DLG2: variants seen among roughly 807,000 people sequenced by gnomAD.
The protein encoded by DLG2 is disks large homolog 2.
A neutral mutation model predicts 132.5 loss-of-function variants in DLG2; 45 were observed. The ratio of observed to expected loss-of-function variants is 0.34; its 90% CI spans 0.27 to 0.44. The LOEUF is 0.44. Among genes scored for constraint, DLG2 ranks in the 20% least tolerant of loss-of-function variants. The pLI is 1.00. For missense variants in DLG2, 1,045 were observed against 1,196.9 expected (o/e 0.87, Z 1.87); for synonymous variants, 424 against 419.6 (o/e 1.01, Z -0.13).
intron 6 of DLG2, among the ~76,000 whole-genome samples, chr11:84,811,555 A>C (rs1014985744): frequency 6.6e-6 from 1 of 152,146 alleles, no homozygotes; most frequent in African/African-American, 2.4e-5. Context: ...CAACAAAGAC[A>C]ATTAGGCCAT....
intron 8 of DLG2, among the ~76,000 whole-genome samples, chr11:84,218,427 T>C (rs73519738): frequency 0.089 from 12,995 of 146,076 alleles, 1,791 homozygotes; most frequent in African/African-American, 0.3. Context: ...GACAGAAGGA[T>C]GGACCTGGGA....
chr11:84,345,880 C>T (rs189426194), intron 7 of DLG2, among the ~76,000 whole-genome samples: 1 of 152,158 alleles, frequency 6.6e-6, no homozygotes, highest in African/African-American at 2.4e-5. Flanking sequence ...TAGTAGTATC[C>T]GAGACTGTCT....
chr11:84,685,306 T>C (rs1034569729), intron 6 of DLG2, among the ~76,000 whole-genome samples: 1 of 152,202 alleles, frequency 6.6e-6, no homozygotes, highest in Non-Finnish European at 1.5e-5. Flanking sequence ...ACACAGGAAA[T>C]AGTCAACAAA....
chr11:85,473,418 C>A (rs2093046734), intron 3 of DLG2, among the ~76,000 whole-genome samples: 1 of 152,148 alleles, frequency 6.6e-6, no homozygotes, highest in Non-Finnish European at 1.5e-5. Flanking sequence ...CAGCTTCAAA[C>A]AGTTTTAAAC....
At chr11:85,596,639 C>A (rs897989820) in intron 3 of DLG2, among the ~76,000 whole-genome samples, 6 of 151,664 alleles carry the variant, frequency 4.0e-5, no homozygotes, top group African/African-American at 9.7e-5. Flanking sequence ...CTACTTGTAA[C>A]AGGAAAAAAA....
intron 3 of DLG2, among the ~76,000 whole-genome samples, chr11:85,364,041 G>C (rs1488855112): frequency 2.6e-5 from 4 of 152,098 alleles, no homozygotes; most frequent in East Asian, 3.9e-4. Context: ...ATTAGCAGTT[G>C]GTGCTGAAGA....
chr11:85,109,694 G>A (rs2072391154), intron 6 of DLG2, among the ~76,000 whole-genome samples: 1 of 152,054 alleles, frequency 6.6e-6, no homozygotes, highest in Non-Finnish European at 1.5e-5. Context: ...ATACATGATT[G>A]TGTTTGATTT....
chr11:85,399,513 C>T (rs2087809331), intron 3 of DLG2, among the ~76,000 whole-genome samples: 2 of 152,154 alleles, frequency 1.3e-5, no homozygotes, highest in African/African-American at 4.8e-5. Flanking sequence ...AGGCATCACG[C>T]TACCTGACTT....
At chr11:84,349,526 A>G (rs914084398) in intron 7 of DLG2, among the ~76,000 whole-genome samples, 2 of 152,232 alleles carry the variant, frequency 1.3e-5, no homozygotes, top group African/African-American at 4.8e-5. Context: ...AAGCTATGAT[A>G]TATCTACATT....
intron 3 of DLG2, among the ~76,000 whole-genome samples, chr11:85,437,650 C>T (rs1457192561): frequency 6.6e-6 from 1 of 152,026 alleles, no homozygotes; most frequent in African/African-American, 2.4e-5. Context: ...TTACATAAGG[C>T]TTAACAGCAC....
chr11:84,495,905 A>C (rs2154500138), intron 7 of DLG2, among the ~76,000 whole-genome samples: 1 of 152,296 alleles, frequency 6.6e-6, no homozygotes, highest in East Asian at 1.9e-4. Flanking sequence ...GATTCCACTG[A>C]ACCACAGAAT....
At chr11:84,595,115 C>G (rs921001240) in intron 6 of DLG2, among the ~76,000 whole-genome samples, 3 of 152,066 alleles carry the variant, frequency 2.0e-5, no homozygotes, top group Non-Finnish European at 4.4e-5. Flanking sequence ...TCATACCTAT[C>G]TTGAATATAT....
chr11:84,558,415 T>C (rs888866485), intron 6 of DLG2, among the ~76,000 whole-genome samples: 3 of 152,148 alleles, frequency 2.0e-5, no homozygotes, highest in Non-Finnish European at 4.4e-5. Context: ...CATGCTTCTT[T>C]CCTAAAAATT....
At chr11:85,145,235 T>C (rs1483996704) in intron 5 of DLG2, among the ~76,000 whole-genome samples, 1 of 152,156 alleles carries the variant, frequency 6.6e-6, no homozygotes, top group East Asian at 1.9e-4. Flanking sequence ...GTTTCTTTTC[T>C]CTTGCTTCAT....
chr11:84,903,796 G>A (rs1489218053), intron 6 of DLG2, among the ~76,000 whole-genome samples: 1 of 151,832 alleles, frequency 6.6e-6, no homozygotes, highest in Non-Finnish European at 1.5e-5. Context: ...AATGTTTTTT[G>A]GTTCATTGAG....
intron 6 of DLG2, among the ~76,000 whole-genome samples, chr11:84,616,700 T>G (rs1053494384): frequency 1.4e-4 from 21 of 152,126 alleles, no homozygotes; most frequent in African/African-American, 4.1e-4. Context: ...AAAAATGAAT[T>G]GATGATAATA....
chr11:85,193,578 G>A (rs2080789016), intron 4 of DLG2, among the ~76,000 whole-genome samples: 1 of 152,058 alleles, frequency 6.6e-6, no homozygotes, highest in Non-Finnish European at 1.5e-5. Context: ...CTTCTGGTGG[G>A]TGTGACTTGG....
In DLG2 at chr11:84,855,340, C is replaced by T. The variant is rs181708566; in HGVS notation, c.357+256321G>A. Among the ~76,000 whole-genome samples the T allele has an allele frequency of 2.6e-5, 4 of 152,162 alleles. No individual in the cohort carries two copies. The East Asian group carries it at 5.8e-4, about 22-fold the overall frequency. On this transcript the variant is annotated intron_variant, in intron 6 of 27. Transcript: ENST00000376104. ...TGATAACCGGGAATAATGAATGCAG[C>T]TCCTTACTATATTTATTGACAGAAT...
intron 8 of DLG2, among the ~76,000 whole-genome samples, chr11:84,165,863 A>T (rs1032809209): frequency 6.6e-6 from 1 of 151,978 alleles, no homozygotes; most frequent in Non-Finnish European, 1.5e-5. Flanking sequence ...GCACCACTAC[A>T]CTCCAGCCTG....
Sources: gnomAD v4.1 joint callset for allele counts (sites outside exome capture counted in the v4.1 genomes callset) on GRCh38, gnomAD v4.1.1 for gene constraint, MANE v1.5 for transcripts, NCBI Gene and HGNC (gene_info 2026-07-23, HGNC 2026-07-21) for gene names.